Variants in TMEM47 observed in about 807,000 individuals in gnomAD.
TMEM47 encodes the protein transmembrane protein 47.
TMEM47 carries 3 observed loss-of-function variants against 12.4 expected under a neutral mutation model. The observed-to-expected ratio is 0.24, with a 90% CI of 0.11 to 0.63. The LOEUF is 0.63. Ranked by LOEUF, TMEM47 falls within the 20% of genes least tolerant of loss-of-function variation. The pLI is 0.86. For synonymous variants in TMEM47, 62 were observed against 63.3 expected, an observed-to-expected ratio of 0.98 and a Z score of 0.10; for missense variants, 89 against 143.8, an observed-to-expected ratio of 0.62 and a Z score of 1.95.
chrX:34,655,755 T>A (rs984683953), intron 1 of TMEM47, among the ~76,000 whole-genome samples: 2 of 104,106 alleles, frequency 1.9e-5, no homozygotes, highest in African/African-American at 3.6e-5. Flanking sequence ...TGTGTGTGTG[T>A]GAGTCTGTGT....
intron 1 of TMEM47, among the ~76,000 whole-genome samples, chrX:34,641,892 T>A (rs1178616751): frequency 1.8e-5 from 2 of 112,514 alleles, no homozygotes; most frequent in East Asian, 5.6e-4. Context: ...AGTCTCACTC[T>A]GTCATCCAGG....
rs1162934064 is a variant in TMEM47, at chrX:34,639,325, G to A, written c.289C>T (p.Leu97=). The A allele has an allele frequency of 2.5e-6, 3 of 1,206,008 alleles. No homozygotes were observed. Among genetic ancestry groups the A allele is most frequent in the Non-Finnish European group, 3.4e-6 (3 of 893,317 alleles). The change falls in exon 2 of 3, where the codon CTG becomes TTG. Residue 97 remains leucine, a synonymous_variant. Transcript: ENST00000275954. ...ACGCAGATAGAAATCAAACCCACCA[G>A]GAATGCAATGAGAATGATGGCAGCG... The part of the protein sequence containing the change: ...GGAAIILIAF[L]VGLISICVGS...
chrX:34,651,871 T>C lies in TMEM47; in HGVS notation c.226+4933A>G, dbSNP rs990211979. Among the ~76,000 whole-genome samples, 3 of 112,266 alleles carry C rather than the reference T, an allele frequency of 2.7e-5. No homozygotes were observed. The Admixed American group carries it at 2.8e-4, about 11-fold the overall frequency. The stretch of plus-strand genomic sequence containing the variant: ...GCATATCAAAATTTAAATTTGAAAT[T>C]GACAAAGTACTTCATTATGCAATTC... On this transcript the variant is annotated intron_variant, in intron 1 of 2. Transcript: ENST00000275954.
At chrX:34,642,903 G>C (rs760748417) in intron 1 of TMEM47, among the ~76,000 whole-genome samples, 17 of 111,952 alleles carry the variant, frequency 1.5e-4, no homozygotes, top group African/African-American at 5.5e-4. Flanking sequence ...ACTCAGGCCA[G>C]TTGCCCAGCA....
At chrX:34,646,253 C>T (rs1921909235) in intron 1 of TMEM47, among the ~76,000 whole-genome samples, 1 of 111,865 alleles carries the variant, frequency 8.9e-6, no homozygotes, top group Non-Finnish European at 1.9e-5. Context: ...ATTTTAGCTG[C>T]TTCACAGAAT....
chrX:34,639,881 C>T (rs770217206), intron 1 of TMEM47, among the ~76,000 whole-genome samples: 1 of 111,525 alleles, frequency 9.0e-6, no homozygotes, highest in Admixed American at 9.5e-5. Context: ...TGAGGACATC[C>T]GTCACCACAG....
At chrX:34,633,964 GA>G (rs1339515761) in intron 2 of TMEM47, among the ~76,000 whole-genome samples, 5 of 110,483 alleles carry the variant, frequency 4.5e-5, no homozygotes, top group African/African-American at 1.6e-4. Context: ...GCAAAACTGA[GA>G]AAAATATAAT....
intron 2 of TMEM47, among the ~76,000 whole-genome samples, chrX:34,638,191 C>T (rs952675636): frequency 4.5e-5 from 5 of 111,232 alleles, no homozygotes; most frequent in Non-Finnish European, 9.4e-5. Flanking sequence ...AGAAGCCTCC[C>T]AGGCCCAGGT....
At chrX:34,649,575 G>T (rs944136144) in intron 1 of TMEM47, among the ~76,000 whole-genome samples, 1 of 110,654 alleles carries the variant, frequency 9.0e-6, no homozygotes, top group Non-Finnish European at 1.9e-5. Flanking sequence ...GGAGGGAGAG[G>T]ATCAGGAAAA....
At chrX:34,648,574 A>T (rs1282362455) in intron 1 of TMEM47, among the ~76,000 whole-genome samples, 1 of 112,203 alleles carries the variant, frequency 8.9e-6, no homozygotes, top group East Asian at 2.8e-4. Context: ...CAAAACCATA[A>T]ACTATAAACT....
At chrX:34,630,611 T>C in intron 2 of TMEM47, 120 bp from the exon 3 acceptor site, 1 of 603,310 alleles carries the variant, frequency 1.7e-6, no homozygotes, top group Non-Finnish European at 2.4e-6. Flanking sequence ...AAGCCAAAAA[T>C]TTTAAAGATG....
At chrX:34,636,058 G>A (rs1027393322) in intron 2 of TMEM47, among the ~76,000 whole-genome samples, 2 of 112,239 alleles carry the variant, frequency 1.8e-5, no homozygotes, top group Non-Finnish European at 3.8e-5. Flanking sequence ...AAGTGATACT[G>A]TAAATTGTTC....
At chrX:34,644,340 A>C (rs768532326) in intron 1 of TMEM47, among the ~76,000 whole-genome samples, 8 of 112,299 alleles carry the variant, frequency 7.1e-5, no homozygotes, top group African/African-American at 2.3e-4. Context: ...AACATATGAG[A>C]CTGGCCTGAA....
At chrX:34,632,429 G>A (rs1921643639) in intron 2 of TMEM47, among the ~76,000 whole-genome samples, 1 of 111,531 alleles carries the variant, frequency 9.0e-6, no homozygotes, top group South Asian at 3.7e-4. Flanking sequence ...GTATGATGAA[G>A]ATTCCTAGAA....
At chrX:34,638,493 T>G (rs2147138610) in intron 2 of TMEM47, among the ~76,000 whole-genome samples, 1 of 112,219 alleles carries the variant, frequency 8.9e-6, no homozygotes, top group East Asian at 2.8e-4. Flanking sequence ...GTGTCTTCAT[T>G]ATTGATAGTC....
intron 2 of TMEM47, among the ~76,000 whole-genome samples, chrX:34,635,253 G>A (rs1294425246): frequency 1.8e-5 from 2 of 111,811 alleles, no homozygotes; most frequent in Admixed American, 9.5e-5. Context: ...GTTCTACACC[G>A]GTTTTTAAAG....
chrX:34,628,726 C>T lies in TMEM47; in HGVS notation c.*1587G>A, dbSNP rs1219795402. The T allele has an allele frequency of 9.0e-6, 1 of 111,342 alleles. No homozygotes were observed. The highest frequency in any genetic ancestry group is 2.8e-4 in the East Asian group (1 of 3,550). The allele number at this position is 111,342 out of a possible 1,213,427, so 9.2% of individuals were successfully genotyped here. On this transcript the variant is annotated 3_prime_UTR_variant, in exon 3 of 3. Coordinates refer to ENST00000275954, the MANE Select transcript of TMEM47 (RefSeq NM_031442.4). ...AAAGTAATTTTTCTAATGCTTCTTT[C>T]TGCAAGAGGGCCAAAACCAGAACAT... is the stretch of plus-strand genomic sequence containing the variant.
At chrX:34,638,006 C>T (rs1436972437) in intron 2 of TMEM47, among the ~76,000 whole-genome samples, 1 of 111,038 alleles carries the variant, frequency 9.0e-6, no homozygotes, top group African/African-American at 3.3e-5. Flanking sequence ...GGGACTAAGA[C>T]TTCAAAATAT....
At chrX:34,644,081 G>GA (rs75902813) in intron 1 of TMEM47, among the ~76,000 whole-genome samples, 10 of 105,629 alleles carry the variant, frequency 9.5e-5, no homozygotes, top group Admixed American at 6.1e-4. Flanking sequence ...TCTATAACAG[G>GA]AAAAAAAAAG....
Sources: allele counts gnomAD v4.1 joint callset (sites outside exome capture counted in the v4.1 genomes callset), GRCh38; gene constraint gnomAD v4.1.1; transcripts MANE v1.5; gene names NCBI Gene and HGNC (gene_info 2026-07-23, HGNC 2026-07-21).